PCDHA7: variants seen among roughly 807,000 people sequenced by gnomAD.
PCDHA7 encodes protocadherin alpha 7, also known as protocadherin alpha-7.
In PCDHA7, 37 loss-of-function variants were observed where a neutral mutation model predicts 57.2. That is an observed-to-expected ratio of 0.65 (90% CI 0.50 to 0.85). PCDHA7 has a LOEUF of 0.85. Ranked by LOEUF, PCDHA7 falls within the 40% of genes least tolerant of loss-of-function variation. PCDHA7 has a pLI of 0.00. For missense variants in PCDHA7, 1,188 were observed against 1,241.8 expected (o/e 0.96, Z 0.65); for synonymous variants, 553 against 558.8 (o/e 0.99, Z 0.15).
chr5:140,911,827 A>C (rs2075655305), intron 1 of PCDHA7, among the ~76,000 whole-genome samples: 1 of 152,162 alleles, frequency 6.6e-6, no homozygotes, highest in African/African-American at 2.4e-5. Context: ...GAAACCCCAA[A>C]ACCAATGAAA....
At chr5:140,849,740 C>T (rs2150447488) in intron 1 of PCDHA7, 1 of 1,598,420 alleles carries the variant, frequency 6.3e-7, no homozygotes, top group East Asian at 2.2e-5. Flanking sequence ...CTCTGGACCG[C>T]GAGAGTGTGT....
chr5:140,993,459 TTC>T lies in PCDHA7; in HGVS notation c.2503+10899_2503+10900del, dbSNP rs202191067. Among the ~76,000 whole-genome samples the T allele has an allele frequency of 6.6e-3, 550 of 83,072 alleles. 5 individuals carry two copies. The highest frequency in any genetic ancestry group is 0.016 in the African/African-American group (346 of 21,866). The allele number at this position is 83,072 out of a possible 152,430, so 54.5% of individuals were successfully genotyped here. ...ATTCATTCCTGTTCTCCTTCTTTCTTTCTCACACACACACACACACACACACA... is the reference window on the plus strand; with the variant it reads ...ATTCATTCCTGTTCTCCTTCTTTCTTTCACACACACACACACACACACACA... On this transcript the variant is annotated intron_variant, in intron 3 of 3. Transcript: ENST00000525929.
At chr5:140,937,067 T>C (rs2091302961) in intron 1 of PCDHA7, among the ~76,000 whole-genome samples, 1 of 148,650 alleles carries the variant, frequency 6.7e-6, no homozygotes, top group South Asian at 2.1e-4. Flanking sequence ...AGACGGAGTC[T>C]CGCTCTGTCG....
At chr5:140,877,721 A>G in intron 1 of PCDHA7, 1 of 1,614,000 alleles carries the variant, frequency 6.2e-7, no homozygotes, top group East Asian at 2.2e-5. Context: ...AGTTGGTCTT[A>G]CTCGCAGCAG....
At chr5:140,968,385 A>G (rs782234319) in intron 1 of PCDHA7, 11 of 1,613,904 alleles carry the variant, frequency 6.8e-6, no homozygotes, top group Non-Finnish European at 9.3e-6. Flanking sequence ...TTTGACTATG[A>G]GAAGTTTCGG....
At chr5:140,987,119 CAGG>C (rs1258206409) in intron 3 of PCDHA7, among the ~76,000 whole-genome samples, 2 of 151,448 alleles carry the variant, frequency 1.3e-5, no homozygotes, top group Non-Finnish European at 2.9e-5. Flanking sequence ...GAGGCTGAGG[CAGG>C]AGAATTGCTT....
chr5:140,858,664 A>C lies in PCDHA7; in HGVS notation c.2355+21926A>C, dbSNP rs972477672. ...TGGTACTTAAATTTTTTTAAATAAC[A>C]ATTTATTCTGAATACACTAATATTT... On this transcript the variant is annotated intron_variant, in intron 1 of 3. Transcript: ENST00000525929. 30 of 728,612 alleles carry C rather than the reference A, an allele frequency of 4.1e-5. No homozygotes were observed. In the African/African-American group the frequency reaches 4.8e-4, roughly 12 times the overall value. 45.1% of individuals were successfully genotyped at this position (728,612 alleles called of 1,614,324 possible).
At chr5:140,862,999 C>T (rs547997534) in intron 1 of PCDHA7, 28 of 550,142 alleles carry the variant, frequency 5.1e-5, no homozygotes, top group African/African-American at 4.9e-4. Context: ...GCACGGTGGA[C>T]TCCAGCTATG....
chr5:140,901,213 G>A (rs2068513524), intron 1 of PCDHA7, among the ~76,000 whole-genome samples: 1 of 152,040 alleles, frequency 6.6e-6, no homozygotes, highest in Non-Finnish European at 1.5e-5. Flanking sequence ...TTTTTAAGTT[G>A]ATGTGATCCC....
intron 1 of PCDHA7, among the ~76,000 whole-genome samples, chr5:140,907,756 C>A (rs183321184): frequency 6.6e-6 from 1 of 152,146 alleles, no homozygotes; most frequent in African/African-American, 2.4e-5. Flanking sequence ...TGTTCATGGG[C>A]CCATTGGGTG....
At chr5:140,957,373 T>G (rs906109440) in intron 1 of PCDHA7, among the ~76,000 whole-genome samples, 1 of 152,192 alleles carries the variant, frequency 6.6e-6, no homozygotes, top group Non-Finnish European at 1.5e-5. Flanking sequence ...ACTTTTATTA[T>G]AGTGTATTGT....
intron 3 of PCDHA7, among the ~76,000 whole-genome samples, chr5:140,983,911 G>A (rs546792762): frequency 6.6e-6 from 1 of 152,290 alleles, no homozygotes; most frequent in East Asian, 1.9e-4. Flanking sequence ...ATTCTAATCA[G>A]CCAGGATTTG....
chr5:140,969,704 T>A (rs1317094729), intron 1 of PCDHA7, among the ~76,000 whole-genome samples: 2 of 152,172 alleles, frequency 1.3e-5, no homozygotes, highest in African/African-American at 4.8e-5. Context: ...TGCTGTATCA[T>A]CTACAGGGAA....
chr5:140,971,958 CT>C (rs1176007834), intron 1 of PCDHA7, among the ~76,000 whole-genome samples: 2 of 152,172 alleles, frequency 1.3e-5, no homozygotes, highest in African/African-American at 2.4e-5. Context: ...ACTCCAAAAA[CT>C]TTTTTTCAAT....
At chr5:140,882,558 G>C (rs782792864) in intron 1 of PCDHA7, 3 of 1,614,130 alleles carry the variant, frequency 1.9e-6, no homozygotes, top group African/African-American at 1.3e-5. Flanking sequence ...GAGCTGTGTG[G>C]GCGGAGCGCG....
At chr5:140,888,147 A>G (rs1182114974) in intron 1 of PCDHA7, among the ~76,000 whole-genome samples, 1 of 152,064 alleles carries the variant, frequency 6.6e-6, no homozygotes, top group African/African-American at 2.4e-5. Flanking sequence ...GCTGTTTTGC[A>G]TGACTGGTAA....
Position 140,882,403 on chromosome 5 carries a change from G to A in PCDHA7, c.2355+45665G>A, listed in dbSNP as rs536389638. ...AGGAAGCAAAACACGGCACCTTCGTGGGCCGCATCGCTCAGGACCTGGGGC... is the reference window on the plus strand; with the variant it reads ...AGGAAGCAAAACACGGCACCTTCGTAGGCCGCATCGCTCAGGACCTGGGGC... On this transcript the variant is annotated intron_variant, in intron 1 of 3. Transcript: ENST00000525929. 1.9e-5 allele frequency: 31 copies of A among 1,614,168 alleles called. No homozygotes were observed. In the South Asian group the frequency reaches 3.3e-4, roughly 17 times the overall value.
At chr5:140,882,814 A>T in intron 1 of PCDHA7, 1 of 1,614,248 alleles carries the variant, frequency 6.2e-7, no homozygotes, top group East Asian at 2.2e-5. Context: ...CTTTGGACGC[A>T]CAAAACAGTC....
intron 1 of PCDHA7, among the ~76,000 whole-genome samples, chr5:140,964,816 T>A (rs79964853): frequency 0.016 from 2,494 of 151,960 alleles, 68 homozygotes; most frequent in African/African-American, 0.056. Context: ...CAGGAATAGA[T>A]TTTGATGAAA....
Sources: allele counts gnomAD v4.1 joint callset (sites outside exome capture counted in the v4.1 genomes callset), GRCh38; gene constraint gnomAD v4.1.1; transcripts MANE v1.5; gene names NCBI Gene and HGNC (gene_info 2026-07-23, HGNC 2026-07-21).